The following AGT variants were observed in gnomAD, a reference collection of about 807,000 sequenced individuals.
AGT encodes the protein angiotensinogen.
AGT carries 26 observed loss-of-function variants against 28.1 expected under a neutral mutation model. The ratio of observed to expected loss-of-function variants is 0.92; its 90% CI spans 0.68 to 1.28. The LOEUF (loss-of-function observed/expected upper bound fraction) is 1.28. Ranked by LOEUF, AGT falls within the 50% of genes most tolerant of loss-of-function variation. The probability of loss-of-function intolerance (pLI) is 0.00; values close to 1 mark genes in which losing one functional copy is unlikely to be tolerated. For missense variants in AGT, 596 were observed against 592.3 expected, an observed-to-expected ratio of 1.01 and a Z score of -0.06; for synonymous variants, 259 against 259.6, an observed-to-expected ratio of 1.00 and a Z score of 0.02.
chr1:230,717,510 T>A (rs752274677), upstream of AGT, among the ~76,000 whole-genome samples: 69 of 152,306 alleles, frequency 4.5e-4, no homozygotes, highest in Non-Finnish European at 9.0e-4. Flanking sequence ...AATACAGGAA[T>A]GGGGTTTCCA....
At chr1:230,735,142 A>G (rs1281090299) in intron 1 of AGT, among the ~76,000 whole-genome samples, 1 of 152,010 alleles carries the variant, frequency 6.6e-6, no homozygotes. Context: ...GCCCTCCTGC[A>G]GGAGAACATT....
intron 1 of AGT, among the ~76,000 whole-genome samples, chr1:230,743,862 G>C (rs1041292368): frequency 6.6e-6 from 1 of 152,232 alleles, no homozygotes; most frequent in African/African-American, 2.4e-5. Flanking sequence ...AAGAAGAAGA[G>C]AAACAAAGGG....
intron 1 of AGT, among the ~76,000 whole-genome samples, chr1:230,727,635 A>G (rs371479256): frequency 7.9e-5 from 12 of 152,248 alleles, no homozygotes; most frequent in African/African-American, 2.9e-4. Context: ...GAGGACATAT[A>G]AAGTTCAGTC....
At chr1:230,722,240 A>T (rs1663859690) in intron 1 of AGT, among the ~76,000 whole-genome samples, 2 of 152,234 alleles carry the variant, frequency 1.3e-5, no homozygotes, top group African/African-American at 4.8e-5. Context: ...GGTGCACAGG[A>T]GACAAGAATT....
intron 1 of AGT, among the ~76,000 whole-genome samples, chr1:230,740,912 A>G (rs1664237340): frequency 6.6e-6 from 1 of 152,156 alleles, no homozygotes; most frequent in Non-Finnish European, 1.5e-5. Context: ...GCACCACTGC[A>G]CTCTAGCCTG....
chr1:230,732,635 A>G (rs1445969958), intron 1 of AGT, among the ~76,000 whole-genome samples: 1 of 152,260 alleles, frequency 6.6e-6, no homozygotes, highest in Non-Finnish European at 1.5e-5. Flanking sequence ...AATACTGTGT[A>G]TATTATATAC....
intron 1 of AGT, among the ~76,000 whole-genome samples, chr1:230,728,749 CTT>C (rs772696287): frequency 1.3e-5 from 2 of 152,176 alleles, no homozygotes; most frequent in Non-Finnish European, 2.9e-5. Context: ...TGTGTGTACT[CTT>C]TGCACCATAG....
intron 1 of AGT, among the ~76,000 whole-genome samples, chr1:230,740,297 T>G (rs1664224341): frequency 6.6e-6 from 1 of 152,190 alleles, no homozygotes; most frequent in Non-Finnish European, 1.5e-5. Context: ...TTACTGCATC[T>G]TGTTTTATTT....
chr1:230,713,990 A>G (rs1422811034), intron 1 of AGT, 96 bp downstream of exon 1: 1 of 152,186 alleles, frequency 6.6e-6, no homozygotes, highest in East Asian at 1.9e-4. Context: ...TTCAGTCATC[A>G]CCGTGCCTCC....
intron 1 of AGT, among the ~76,000 whole-genome samples, chr1:230,731,464 G>A (rs1664058790): frequency 6.6e-6 from 1 of 152,216 alleles, no homozygotes; most frequent in Non-Finnish European, 1.5e-5. Context: ...TCCTTGCCGT[G>A]TGCAGTCACT....
At chr1:230,714,633 G>A (rs928945629), upstream of AGT, among the ~76,000 whole-genome samples, 5 of 152,172 alleles carry the variant, frequency 3.3e-5, no homozygotes, top group South Asian at 2.1e-4. Context: ...CTGTGCAAAG[G>A]CCTCTAATAG....
intron 1 of AGT, among the ~76,000 whole-genome samples, chr1:230,722,434 C>T (rs561347196): frequency 1.1e-4 from 16 of 152,350 alleles, no homozygotes; most frequent in East Asian, 7.7e-4. Flanking sequence ...TGTGAGAAGA[C>T]GGCCACCATC....
At position 230,709,425 on chromosome 1, in the gene AGT, C is replaced by A. The variant is rs1663504085; in HGVS notation, c.829+570G>T. Among the ~76,000 whole-genome samples the A allele has an allele frequency of 2.8e-5, 4 of 143,426 alleles. No homozygotes were observed. The South Asian group carries it at 9.1e-4, about 32-fold the overall frequency. 94.1% of individuals were successfully genotyped at this position (143,426 alleles called of 152,430 possible). ...CTGCAGCCTGGGTGACAGAACAAGA[C>A]CCTGTCTCAATAAAAAAAAAAAAAA... is the stretch of plus-strand genomic sequence containing the variant. On this transcript the variant is annotated intron_variant, in intron 2 of 4. Transcript: ENST00000366667.
chr1:230,713,670 G>A (rs998088040), intron 1 of AGT, among the ~76,000 whole-genome samples: 1 of 152,140 alleles, frequency 6.6e-6, no homozygotes, highest in African/African-American at 2.4e-5. Flanking sequence ...GGGGTAGGGT[G>A]ACCACTCTGG....
chr1:230,709,436 TAAA>T (rs34924695), intron 2 of AGT, among the ~76,000 whole-genome samples: 1 of 131,360 alleles, frequency 7.6e-6, no homozygotes, highest in South Asian at 2.4e-4. Context: ...CCTGTCTCAA[TAAA>T]AAAAAAAAAA....
upstream of AGT, among the ~76,000 whole-genome samples, chr1:230,715,743 T>C (rs1021730710): frequency 1.3e-4 from 20 of 152,192 alleles, no homozygotes; most frequent in Non-Finnish European, 1.5e-5. Flanking sequence ...TTGTGCCCAG[T>C]GTTTAAATAT....
At chr1:230,719,406 G>A (rs55918707), upstream of AGT, among the ~76,000 whole-genome samples, 13 of 100,338 alleles carry the variant, frequency 1.3e-4, no homozygotes, top group Admixed American at 3.7e-4. Context: ...TTATCATTAT[G>A]TTTTTTTTTT....
intron 1 of AGT, among the ~76,000 whole-genome samples, chr1:230,730,605 G>A (rs572082038): frequency 6.6e-6 from 1 of 152,246 alleles, no homozygotes; most frequent in African/African-American, 2.4e-5. Flanking sequence ...TGTCTGCTTG[G>A]CTCCATAAGC....
chr1:230,716,140 GCTGA>G (rs1183264654), upstream of AGT, among the ~76,000 whole-genome samples: 1 of 152,178 alleles, frequency 6.6e-6, no homozygotes, highest in Non-Finnish European at 1.5e-5. Flanking sequence ...CATGCCCAAG[GCTGA>G]CTATCAGCTG....
Sources: gnomAD v4.1 joint callset for allele counts (sites outside exome capture counted in the v4.1 genomes callset) on GRCh38, gnomAD v4.1.1 for gene constraint, MANE v1.5 for transcripts, NCBI Gene and HGNC (gene_info 2026-07-23, HGNC 2026-07-21) for gene names.